The following DNAH3 variants were observed in gnomAD, a reference collection of about 807,000 sequenced individuals.
DNAH3 encodes the protein dynein axonemal heavy chain 3.
Under a neutral mutation model 432.5 loss-of-function variants are expected in DNAH3, and 332 were observed. The observed-to-expected ratio is 0.77, with a 90% CI of 0.70 to 0.84. DNAH3 has a LOEUF of 0.84. DNAH3 is among the 40% of genes least tolerant of loss of function. DNAH3 has a pLI of 0.00. For synonymous variants in DNAH3, 1,956 were observed against 1,900.2 expected, an observed-to-expected ratio of 1.03 and a Z score of -0.76; for missense variants, 4,861 against 5,114.0, an observed-to-expected ratio of 0.95 and a Z score of 1.51.
At chr16:21,100,559 C>A (rs1356638791) in intron 16 of DNAH3, among the ~76,000 whole-genome samples, 1 of 152,192 alleles carries the variant, frequency 6.6e-6, no homozygotes, top group African/African-American at 2.4e-5. Context: ...TGGTGAAACA[C>A]AATGTCGGGT....
chr16:20,989,946 G>A (rs887714529), intron 44 of DNAH3, among the ~76,000 whole-genome samples: 1 of 152,190 alleles, frequency 6.6e-6, no homozygotes, highest in Non-Finnish European at 1.5e-5. Flanking sequence ...TGCGGGGCCC[G>A]CCAAGCCCAC....
chr16:20,993,938 A>T (rs2086659093), intron 44 of DNAH3, among the ~76,000 whole-genome samples: 2 of 152,198 alleles, frequency 1.3e-5, no homozygotes, highest in African/African-American at 4.8e-5. Context: ...TCTTAGGTAT[A>T]CAATGTGCTC....
chr16:20,993,546 A>G (rs989788635), intron 44 of DNAH3, among the ~76,000 whole-genome samples: 2 of 152,142 alleles, frequency 1.3e-5, no homozygotes, highest in Non-Finnish European at 2.9e-5. Flanking sequence ...CTCTCATTTT[A>G]TTTCCTTAAG....
chr16:20,964,235 G>A, exon 53 of DNAH3: 1 of 1,614,112 alleles, frequency 6.2e-7, no homozygotes, highest in Non-Finnish European at 8.5e-7. Context: ...TTCTCTTCCA[G>A]CTCTGGCTTC....
At chr16:20,989,852 G>T (rs1031752128) in intron 44 of DNAH3, among the ~76,000 whole-genome samples, 6 of 152,228 alleles carry the variant, frequency 3.9e-5, no homozygotes, top group Non-Finnish European at 5.9e-5. Flanking sequence ...ACTGCTGGGG[G>T]ACCCAGTACA....
intron 56 of DNAH3, among the ~76,000 whole-genome samples, chr16:20,951,738 ATTTTTTT>A (rs869256566): frequency 6.8e-5 from 5 of 73,466 alleles, no homozygotes; most frequent in South Asian, 4.4e-4. Context: ...CCTGGCCCGT[ATTTTTTT>A]TTTTTTTTTT....
At chr16:20,963,754 A>G (rs1323465519) in exon 53 of DNAH3, 2 of 1,614,054 alleles carry the variant, frequency 1.2e-6, no homozygotes, top group Non-Finnish European at 1.7e-6. Context: ...GCCGATGGTC[A>G]GGAGGAGAGA....
intron 49 of DNAH3, among the ~76,000 whole-genome samples, chr16:20,982,064 TAA>T (rs2085934622): frequency 6.7e-6 from 1 of 149,988 alleles, no homozygotes; most frequent in Non-Finnish European, 1.5e-5. Context: ...GCTTTATACA[TAA>T]AAGAGTAAAT....
Position 20,994,689 on chromosome 16 carries a change from T to C in DNAH3, c.6601+2594A>G, listed in dbSNP as rs72780814. Among the ~76,000 whole-genome samples the C allele has an allele frequency of 7.9e-3, 1,199 of 152,264 alleles. 14 individuals are homozygous for C. Among genetic ancestry groups the C allele is most frequent in the Admixed American group, 0.029 (439 of 15,282 alleles). On this transcript the variant is annotated intron_variant, in intron 44 of 61. Coordinates refer to ENST00000261383, the Ensembl canonical transcript of DNAH3. The stretch of plus-strand genomic sequence containing the variant: ...ACTTTGACAACCACTTATTCTACTT[T>C]TTGTCTCTGTCAATTTGACTACTTT...
At chr16:20,994,994 G>C (rs2086704456) in intron 44 of DNAH3, among the ~76,000 whole-genome samples, 1 of 151,938 alleles carries the variant, frequency 6.6e-6, no homozygotes, top group Non-Finnish European at 1.5e-5. Flanking sequence ...GAGTATTGTG[G>C]TGCGATCTTG....
At chr16:21,025,444 A>G (rs2088496896) in intron 38 of DNAH3, among the ~76,000 whole-genome samples, 1 of 147,776 alleles carries the variant, frequency 6.8e-6, no homozygotes, top group African/African-American at 2.5e-5. Context: ...GTATAACATT[A>G]TATTATATAT....
At chr16:21,067,535 T>G in intron 23 of DNAH3, 116 bp from the exon 24 acceptor site, 1 of 1,078,596 alleles carries the variant, frequency 9.3e-7, no homozygotes. Flanking sequence ...GCTAACTGCC[T>G]CCTGATCCCC....
chr16:21,061,158 C>G (rs1200112455), intron 25 of DNAH3, among the ~76,000 whole-genome samples: 1 of 150,204 alleles, frequency 6.7e-6, no homozygotes, highest in East Asian at 2.0e-4. Flanking sequence ...GCCAATATTC[C>G]AATATTCTTT....
At chr16:21,127,572 AG>A in intron 8 of DNAH3, 114 bp downstream of exon 9, 2 of 1,268,824 alleles carry the variant, frequency 1.6e-6, no homozygotes, top group Non-Finnish European at 2.2e-6. Context: ...AAAAAAAAAA[AG>A]ACACGAAAGG....
At chr16:20,971,027 C>A (rs2085318919) in intron 51 of DNAH3, among the ~76,000 whole-genome samples, 1 of 149,428 alleles carries the variant, frequency 6.7e-6, no homozygotes, top group Non-Finnish European at 1.5e-5. Flanking sequence ...ACCACCAGGT[C>A]TGACTAATTT....
At chr16:20,951,910 A>T (rs1409762226) in intron 56 of DNAH3, among the ~76,000 whole-genome samples, 1 of 151,444 alleles carries the variant, frequency 6.6e-6, no homozygotes, top group African/African-American at 2.4e-5. Context: ...TGCCCGGCTA[A>T]TTTTTTATAT....
chr16:21,129,692 G>A (rs560435088), intron 7 of DNAH3, among the ~76,000 whole-genome samples: 291 of 151,890 alleles, frequency 1.9e-3, no homozygotes, highest in African/African-American at 6.6e-3. Flanking sequence ...AGTCGAGACC[G>A]CACCACTGCA....
At position 21,136,317 on chromosome 16, in the gene DNAH3, G is replaced by A. The variant is rs902955567; in HGVS notation, c.886+7C>T. 3.1e-6 allele frequency: 5 copies of A among 1,613,336 alleles called. No individual in the cohort carries two copies. In the Admixed American group the frequency reaches 6.7e-5, roughly 22 times the overall value. ...TCCCCAGCCCCCTTTATGCCCACCA[G>A]CCTTACCGATGCTTTTCATGAGGCT... On this transcript the variant is annotated splice_region_variant and intron_variant, in intron 6 of 61. Coordinates refer to ENST00000261383, the Ensembl canonical transcript of DNAH3.
intron 21 of DNAH3, among the ~76,000 whole-genome samples, chr16:21,074,662 C>T (rs146996994): frequency 1.7e-3 from 251 of 152,088 alleles, no homozygotes; most frequent in African/African-American, 5.8e-3. Flanking sequence ...TGCAGTGATC[C>T]GAGATCACGC....
Sources: gnomAD v4.1 joint callset for allele counts (sites outside exome capture counted in the v4.1 genomes callset) on GRCh38, gnomAD v4.1.1 for gene constraint, MANE v1.5 for transcripts, NCBI Gene and HGNC (gene_info 2026-07-23, HGNC 2026-07-21) for gene names.